EYA1: variants seen among roughly 807,000 people sequenced by gnomAD.
EYA1 encodes the protein EYA transcriptional coactivator and phosphatase 1.
In EYA1, 16 loss-of-function variants were observed where a neutral mutation model predicts 82.0. That is an observed-to-expected ratio of 0.20 (90% CI 0.13 to 0.30). EYA1 has a LOEUF of 0.30. Among genes scored for constraint, EYA1 ranks in the 10% least tolerant of loss-of-function variants. The pLI is 1.00. For synonymous variants in EYA1, 261 were observed against 264.4 expected (o/e 0.99, Z 0.12); for missense variants, 633 against 730.7 (o/e 0.87, Z 1.54).
intron 2 of EYA1, among the ~76,000 whole-genome samples, chr8:71,400,473 G>A (rs1354191178): frequency 6.6e-6 from 1 of 152,032 alleles, no homozygotes; most frequent in Non-Finnish European, 1.5e-5. Context: ...TAAAAAGTGG[G>A]CAAAGGACAG....
intron 4 of EYA1, among the ~76,000 whole-genome samples, chr8:71,328,037 A>G (rs954969310): frequency 2.6e-5 from 4 of 151,736 alleles, no homozygotes; most frequent in African/African-American, 9.7e-5. Context: ...TTGTATTTTT[A>G]GTAGAGACAG....
intron 12 of EYA1, among the ~76,000 whole-genome samples, chr8:71,219,369 T>A (rs1809603923): frequency 6.6e-6 from 1 of 152,094 alleles, no homozygotes; most frequent in South Asian, 2.1e-4. Flanking sequence ...ATGATTTTAA[T>A]TAAAAGAGAT....
At chr8:71,346,458 A>G (rs1196731647) in intron 3 of EYA1, among the ~76,000 whole-genome samples, 1 of 141,884 alleles carries the variant, frequency 7.0e-6, no homozygotes, top group Non-Finnish European at 1.5e-5. Flanking sequence ...ATATATATCT[A>G]TATATATCCT....
At chr8:71,459,795 CA>C (rs1808231316) in intron 2 of EYA1, among the ~76,000 whole-genome samples, 2 of 152,136 alleles carry the variant, frequency 1.3e-5, no homozygotes, top group East Asian at 1.9e-4. Flanking sequence ...CTCATTTCTT[CA>C]ATTATTATTT....
chr8:71,396,754 T>G (rs1237313040), intron 2 of EYA1, among the ~76,000 whole-genome samples: 4 of 151,796 alleles, frequency 2.6e-5, no homozygotes, highest in Non-Finnish European at 5.9e-5. Flanking sequence ...GTGCTAAGAA[T>G]GTATATTCTG....
At chr8:71,311,307 T>C (rs1183923882) in intron 7 of EYA1, among the ~76,000 whole-genome samples, 1 of 152,252 alleles carries the variant, frequency 6.6e-6, no homozygotes, top group Non-Finnish European at 1.5e-5. Flanking sequence ...GGAGATATTC[T>C]GTGAAAGCAA....
intron 3 of EYA1, among the ~76,000 whole-genome samples, chr8:71,344,836 T>C (rs1190377483): frequency 1.3e-5 from 2 of 152,206 alleles, no homozygotes; most frequent in Non-Finnish European, 2.9e-5. Flanking sequence ...ATCATATCAA[T>C]GTGGGAAAAT....
chr8:71,453,035 G>T (rs938696654), intron 2 of EYA1, among the ~76,000 whole-genome samples: 2 of 152,166 alleles, frequency 1.3e-5, no homozygotes, highest in African/African-American at 4.8e-5. Flanking sequence ...AAGATTAGGT[G>T]AATGGCTAAC....
intron 2 of EYA1, among the ~76,000 whole-genome samples, chr8:71,510,527 C>T (rs1466715846): frequency 1.3e-5 from 2 of 152,138 alleles, no homozygotes; most frequent in African/African-American, 2.4e-5. Flanking sequence ...AGGTACCTCT[C>T]CACAGGGCGG....
intron 11 of EYA1, among the ~76,000 whole-genome samples, chr8:71,259,268 C>T (rs1814810329): frequency 6.6e-6 from 1 of 152,236 alleles, no homozygotes; most frequent in South Asian, 2.1e-4. Context: ...ACTGGAGATG[C>T]CCGCCCACCA....
intron 2 of EYA1, among the ~76,000 whole-genome samples, chr8:71,443,318 G>T (rs1806575296): frequency 6.6e-6 from 1 of 152,162 alleles, no homozygotes; most frequent in Non-Finnish European, 1.5e-5. Context: ...GGGGGATAGA[G>T]TCTTGCTCTG....
chr8:71,251,381 T>G (rs1813728244), intron 11 of EYA1, among the ~76,000 whole-genome samples: 1 of 152,232 alleles, frequency 6.6e-6, no homozygotes, highest in African/African-American at 2.4e-5. Context: ...TCTTAAGTTG[T>G]TCTTCACCCA....
Position 71,487,634 on chromosome 8 carries a change from A to G in EYA1, c.33+48110T>C, listed in dbSNP as rs117167438. On this transcript the variant is annotated intron_variant, in intron 2 of 18. Transcript: ENST00000643681. ...GAGAATTCCTAACAATGATTAAGAA[A>G]ATATAAACAATTCAATTTTTTAATG... 5.3e-4 allele frequency among the ~76,000 whole-genome samples: 80 copies of G among 152,326 alleles called. No individual in the cohort carries two copies. In the East Asian group the frequency reaches 0.014, roughly 26 times the overall value.
At chr8:71,505,449 G>C (rs1812129820) in intron 2 of EYA1, among the ~76,000 whole-genome samples, 1 of 152,184 alleles carries the variant, frequency 6.6e-6, no homozygotes, top group Non-Finnish European at 1.5e-5. Context: ...ACACTTTTGT[G>C]AAATCTCTTC....
intron 11 of EYA1, among the ~76,000 whole-genome samples, chr8:71,245,974 A>G (rs369380986): frequency 9.2e-5 from 14 of 152,200 alleles, no homozygotes; most frequent in African/African-American, 3.1e-4. Context: ...CCCTGATGAC[A>G]TCTACTGGCA....
Position 71,498,781 on chromosome 8 carries a change from G to A in EYA1, c.33+36963C>T, listed in dbSNP as rs1054331210. On this transcript the variant is annotated intron_variant, in intron 2 of 18. Coordinates refer to the EYA1 transcript ENST00000643681. The stretch of plus-strand genomic sequence containing the variant: ...ATATGTAGAGATAGGACCCTGGAAA[G>A]TCCTTGAGTGAGTTTTCAGAGACTA... Among the ~76,000 whole-genome samples, 12 of 152,158 alleles carry A rather than the reference G, an allele frequency of 7.9e-5. 1 individual carries two copies. The highest frequency in any genetic ancestry group is 7.9e-4 in the Admixed American group (12 of 15,272).
intron 2 of EYA1, among the ~76,000 whole-genome samples, chr8:71,457,249 A>C (rs1808009457): frequency 6.6e-6 from 1 of 152,224 alleles, no homozygotes; most frequent in South Asian, 2.1e-4. Context: ...ATCATTAAAA[A>C]GTCAGGAAAC....
intron 2 of EYA1, among the ~76,000 whole-genome samples, chr8:71,402,033 T>C (rs1000902196): frequency 2.0e-5 from 3 of 152,178 alleles, no homozygotes; most frequent in Admixed American, 6.5e-5. Context: ...TCTAAATCTG[T>C]CTGGTACAAG....
intron 2 of EYA1, among the ~76,000 whole-genome samples, chr8:71,518,620 G>C (rs1433993808): frequency 2.0e-5 from 3 of 152,122 alleles, no homozygotes; most frequent in African/African-American, 7.2e-5. Flanking sequence ...GAGACTTAGA[G>C]AAATAAAGTT....
Sources: gnomAD v4.1 joint callset for allele counts (sites outside exome capture counted in the v4.1 genomes callset) on GRCh38, gnomAD v4.1.1 for gene constraint, MANE v1.5 for transcripts, NCBI Gene and HGNC (gene_info 2026-07-23, HGNC 2026-07-21) for gene names.